Variants in STK11 observed in about 807,000 individuals in gnomAD.
The protein encoded by STK11 is serine/threonine-protein kinase STK11.
In STK11, 8 loss-of-function variants were observed where a neutral mutation model predicts 47.3. The ratio of observed to expected loss-of-function variants is 0.17; its 90% CI spans 0.10 to 0.31. The LOEUF (loss-of-function observed/expected upper bound fraction) is 0.31. STK11 is among the 10% of genes least tolerant of loss of function. The pLI, the probability that STK11 is intolerant of heterozygous loss-of-function variation, is 1.00. For synonymous variants in STK11, 330 were observed against 255.8 expected, an observed-to-expected ratio of 1.29 and a Z score of -2.77; for missense variants, 475 against 605.0, an observed-to-expected ratio of 0.79 and a Z score of 2.25.
intron 8 of STK11, chr19:1,224,323 G>C (rs1481378025): frequency 1.0e-6 from 1 of 985,364 alleles, no homozygotes; most frequent in East Asian, 1.1e-4. Flanking sequence ...GCAGCACCAC[G>C]ACCATCGCGT....
intron 8 of STK11, chr19:1,225,559 G>T (rs1327782741): frequency 3.0e-6 from 3 of 985,424 alleles, no homozygotes; most frequent in African/African-American, 1.7e-5. Context: ...GTGAGCCACC[G>T]CGACCGGCCC....
Position 1,226,682 on chromosome 19 carries a change from C to T in STK11, c.*16+19C>T, listed in dbSNP as rs1040395243. 6 of 1,475,234 alleles carry T rather than the reference C, an allele frequency of 4.1e-6. No individual in the cohort carries two copies. The South Asian group carries it at 5.4e-5, about 13-fold the overall frequency. 91.4% of individuals were successfully genotyped at this position (1,475,234 alleles called of 1,614,324 possible). Reference sequence around the variant, plus strand: ...CCTGCAGGTGGGGCGCGGCGGGGCCCGGGTGGGGCATGTGGGGACAACGCC... The same window carrying T: ...CCTGCAGGTGGGGCGCGGCGGGGCCTGGGTGGGGCATGTGGGGACAACGCC... On this transcript the variant is annotated intron_variant, in intron 9 of 9. Coordinates refer to ENST00000326873, the MANE Select transcript of STK11 (RefSeq NM_000455.5).
intron 8 of STK11, chr19:1,226,252 G>A: frequency 1.4e-6 from 2 of 1,418,686 alleles, no homozygotes; most frequent in African/African-American, 1.5e-5. Context: ...CAGGCCATCT[G>A]CGGGAGGCTC....
At chr19:1,208,604 G>A (rs1472975641) in intron 1 of STK11, among the ~76,000 whole-genome samples, 4 of 124,316 alleles carry the variant, frequency 3.2e-5, no homozygotes, top group South Asian at 2.5e-4. Context: ...CAACGCGTGC[G>A]GCCTTTTTTT....
intron 1 of STK11, among the ~76,000 whole-genome samples, chr19:1,212,325 C>T (rs1433146196): frequency 2.2e-5 from 3 of 135,520 alleles, no homozygotes; most frequent in East Asian, 2.2e-4. Context: ...ACTGTATCGC[C>T]GAGGCTGGAG....
intron 1 of STK11, among the ~76,000 whole-genome samples, chr19:1,216,654 C>T (rs1240268564): frequency 6.6e-6 from 1 of 151,438 alleles, no homozygotes; most frequent in Middle Eastern, 3.2e-3. Flanking sequence ...ATGACTTGAG[C>T]CTAGTAGTTC....
In STK11 at chr19:1,219,546, TTTTTTGTG is replaced by T. The variant is rs563899399; in HGVS notation, c.464+139_464+146del. On this transcript the variant is annotated intron_variant, in intron 3 of 9. Transcript: ENST00000326873. ...GGCCCAAGTTTTTTTGTTTTTTTGT[TTTTTTGTG>T]TTTTTTTTCGAGATGGAGTCTCACT... 4.5e-3 allele frequency: 4,345 copies of T among 969,192 alleles called. 33 individuals carry two copies. The highest frequency in any genetic ancestry group is 0.03 in the African/African-American group (1,807 of 59,898). 60.0% of individuals were successfully genotyped at this position (969,192 alleles called of 1,614,324 possible). A position where few individuals can be genotyped will look rare whatever the true frequency, so the allele number is the denominator to read the frequency against.
At chr19:1,224,514 G>GAGGGCCAGTTAGGGC in intron 8 of STK11, 1 of 985,514 alleles carries the variant, frequency 1.0e-6, no homozygotes, top group South Asian at 4.7e-5. Flanking sequence ...TCCCAGGCAG[G>GAGGGCCAGTTAGGGC]AGGGCCAGTT....
chr19:1,211,776 A>T (rs1184400991), intron 1 of STK11, among the ~76,000 whole-genome samples: 1 of 152,218 alleles, frequency 6.6e-6, no homozygotes, highest in African/African-American at 2.4e-5. Context: ...GTGTCCAGCC[A>T]GGAGGTGGGA....
Position 1,222,966 on chromosome 19 carries a change from T to C in STK11, c.921-19T>C, listed in dbSNP as rs763847001. 9.8e-6 allele frequency: 15 copies of C among 1,530,524 alleles called. 1 individual carries two copies. The South Asian group carries it at 1.7e-4, about 17-fold the overall frequency. The allele number at this position is 1,530,524 out of a possible 1,614,324, so 94.8% of individuals were successfully genotyped here. The stretch of plus-strand genomic sequence containing the variant: ...CTGGTGCCAGCCTGACAGGCGCCAC[T>C]GCTTCTGGGCGTTTGCAGCTGGTTC... On this transcript the variant is annotated intron_variant, in intron 7 of 9. Coordinates refer to ENST00000326873, the MANE Select transcript of STK11 (RefSeq NM_000455.5).
rs2080668046 is a variant in STK11 at position 1,206,754 on chromosome 19, G to A, written c.-160G>A. ...ACTGACGTGTAGAACAATCGTTTCT[G>A]TTGGAAGAAGGGTTTTTCCCTTCCT... is the stretch of plus-strand genomic sequence containing the variant. On this transcript the variant is annotated 5_prime_UTR_variant, in exon 1 of 10. Transcript: ENST00000326873. 1.0e-6 allele frequency: 1 copy of A among 976,064 alleles called. No homozygotes were observed. Among genetic ancestry groups the A allele is most frequent in the African/African-American group, 1.6e-5 (1 of 60,816 alleles). 60.5% of individuals were successfully genotyped at this position (976,064 alleles called of 1,614,324 possible). A position where few individuals can be genotyped will look rare whatever the true frequency, so the allele number is the denominator to read the frequency against.
chr19:1,206,267 C>T lies in STK11; in HGVS notation c.-647C>T, dbSNP rs990484428. The T allele has an allele frequency of 3.8e-5, 8 of 212,980 alleles. No individual in the cohort carries two copies. The highest frequency in any genetic ancestry group is 1.9e-4 in the South Asian group (1 of 5,370). The allele number at this position is 212,980 out of a possible 1,614,324, so 13.2% of individuals were successfully genotyped here. On this transcript the variant is annotated 5_prime_UTR_variant, in exon 1 of 10. Transcript: ENST00000326873. ...AGCTGTTGGCCGCGGCGGGAGGCCT[C>T]CCGGACGCCCCCAGCCCCCCGAACG...
intron 7 of STK11, 40 bp downstream of exon 7, chr19:1,222,046 G>T (rs1283417329): frequency 1.9e-6 from 3 of 1,551,498 alleles, no homozygotes; most frequent in Non-Finnish European, 1.7e-6. Context: ...AGGCTGCAGG[G>T]AGGCCGGCCA....
At position 1,227,641 on chromosome 19, in the gene STK11, C is replaced by T; in HGVS notation, c.*65C>T. ...GTGCCCGCGCCAGGCCCTCAGTCTT[C>T]CTGCCGGTTCCGCCCGCCCTCCCGG... On this transcript the variant is annotated 3_prime_UTR_variant, in exon 10 of 10. Transcript: ENST00000326873. The T allele has an allele frequency of 2.8e-6, 3 of 1,067,554 alleles. No individual in the cohort carries two copies. Among genetic ancestry groups the T allele is most frequent in the Non-Finnish European group, 2.3e-6 (2 of 880,744 alleles). The allele number at this position is 1,067,554 out of a possible 1,614,324, so 66.1% of individuals were successfully genotyped here. A position where few individuals can be genotyped will look rare whatever the true frequency, so the allele number is the denominator to read the frequency against.
rs1031446285 is a variant in STK11, at chr19:1,206,252, C to T, written c.-662C>T. ...ACCAGCCCTGAGCGGAGCTGTTGGC[C>T]GCGGCGGGAGGCCTCCCGGACGCCC... is the stretch of plus-strand genomic sequence containing the variant. On this transcript the variant is annotated 5_prime_UTR_variant, in exon 1 of 10. Transcript: ENST00000326873. 7 of 203,784 alleles carry T rather than the reference C, an allele frequency of 3.4e-5. No homozygotes were observed. The highest frequency in any genetic ancestry group is 7.3e-5 in the East Asian group (1 of 13,752). The allele number at this position is 203,784 out of a possible 1,614,324, so 12.6% of individuals were successfully genotyped here.
In STK11 at chr19:1,227,952, T is replaced by C. The variant is rs1197370167; in HGVS notation, c.*376T>C. 2 of 1,069,620 alleles carry C rather than the reference T, an allele frequency of 1.9e-6. No individual in the cohort carries two copies. The highest frequency in any genetic ancestry group is 9.7e-5 in the East Asian group (2 of 20,682). 66.3% of individuals were successfully genotyped at this position (1,069,620 alleles called of 1,614,324 possible). ...TCCGGCGGCCCCGCCGCAGACCAGC[T>C]GGCGGGTGTGGAGACCAGGCTCCTG... On this transcript the variant is annotated 3_prime_UTR_variant, in exon 10 of 10. Coordinates refer to ENST00000326873, the MANE Select transcript of STK11 (RefSeq NM_000455.5).
chr19:1,213,480 G>C (rs1249306786), intron 1 of STK11, among the ~76,000 whole-genome samples: 3 of 152,162 alleles, frequency 2.0e-5, no homozygotes, highest in Non-Finnish European at 2.9e-5. Flanking sequence ...CCTGCCTCTG[G>C]ATTGGCCTGT....
At chr19:1,211,493 C>T (rs1478430898) in intron 1 of STK11, among the ~76,000 whole-genome samples, 1 of 152,006 alleles carries the variant, frequency 6.6e-6, no homozygotes, top group Non-Finnish European at 1.5e-5. Context: ...GGCCGCCATG[C>T]CTCCCTCCCC....
intron 5 of STK11, 111 bp from the exon 6 acceptor site, chr19:1,221,102 C>T (rs779810325): frequency 6.7e-5 from 99 of 1,474,008 alleles, no homozygotes; most frequent in Non-Finnish European, 7.8e-5. Context: ...GTCCACAGGG[C>T]CTCTGGTCCA....
Sources: gnomAD v4.1 joint callset for allele counts (sites outside exome capture counted in the v4.1 genomes callset) on GRCh38, gnomAD v4.1.1 for gene constraint, MANE v1.5 for transcripts, NCBI Gene and HGNC (gene_info 2026-07-23, HGNC 2026-07-21) for gene names.